The following PCDH15 variants were observed in gnomAD, a reference collection of about 807,000 sequenced individuals.
PCDH15 encodes the protein protocadherin related 15.
PCDH15 carries 129 observed loss-of-function variants against 178.5 expected under a neutral mutation model. That is an observed-to-expected ratio of 0.72 (90% CI 0.63 to 0.84). The LOEUF is 0.84. Among genes scored for constraint, PCDH15 ranks in the 40% least tolerant of loss-of-function variants. The pLI, the probability that PCDH15 is intolerant of heterozygous loss-of-function variation, is 0.00. For synonymous variants in PCDH15, 800 were observed against 732.0 expected (o/e 1.09, Z -1.50); for missense variants, 2,230 against 2,099.9 (o/e 1.06, Z -1.21).
chr10:55,153,458 C>T (rs1456024323), intron 2 of PCDH15, among the ~76,000 whole-genome samples: 1 of 152,082 alleles, frequency 6.6e-6, no homozygotes, highest in Admixed American at 6.6e-5. Flanking sequence ...TGCAATTTTT[C>T]ACCTTTGTAG....
chr10:54,595,264 C>T (rs1161346857), intron 2 of PCDH15, among the ~76,000 whole-genome samples: 1 of 152,204 alleles, frequency 6.6e-6, no homozygotes, highest in African/African-American at 2.4e-5. Context: ...GGTTCCTAAA[C>T]TTGATCCACA....
At chr10:55,406,061 T>G (rs1380478274) in intron 2 of PCDH15, among the ~76,000 whole-genome samples, 1 of 113,744 alleles carries the variant, frequency 8.8e-6, no homozygotes, top group Non-Finnish European at 1.9e-5. Flanking sequence ...GGCAGCATGT[T>G]CCCATCTAAA....
At chr10:55,613,888 C>T (rs1843421140) in intron 2 of PCDH15, among the ~76,000 whole-genome samples, 1 of 151,998 alleles carries the variant, frequency 6.6e-6, no homozygotes. Flanking sequence ...GCGGGTGGAA[C>T]ACAAGGTCAG....
At chr10:54,680,376 T>C (rs1195711530) in intron 1 of PCDH15, among the ~76,000 whole-genome samples, 1 of 152,184 alleles carries the variant, frequency 6.6e-6, no homozygotes, top group East Asian at 1.9e-4. Context: ...TATTAGGTAT[T>C]AAAATATAAT....
chr10:55,462,393 C>A (rs1302461485), intron 2 of PCDH15, among the ~76,000 whole-genome samples: 1 of 152,030 alleles, frequency 6.6e-6, no homozygotes. Context: ...TTTCAAATTC[C>A]TTTCACTCAT....
intron 18 of PCDH15, among the ~76,000 whole-genome samples, chr10:54,046,572 A>G (rs1056955781): frequency 2.0e-5 from 3 of 151,980 alleles, no homozygotes; most frequent in Admixed American, 2.0e-4. Flanking sequence ...AGACAAAACT[A>G]AACTATAATG....
chr10:54,113,667 T>C (rs2095064289), intron 15 of PCDH15, among the ~76,000 whole-genome samples: 1 of 133,382 alleles, frequency 7.5e-6, no homozygotes, highest in African/African-American at 3.5e-5. Context: ...CACGCACATC[T>C]TAATTTAGAA....
chr10:54,358,635 A>T (rs1018191094), intron 5 of PCDH15, among the ~76,000 whole-genome samples: 5 of 152,022 alleles, frequency 3.3e-5, no homozygotes, highest in Non-Finnish European at 7.4e-5. Context: ...TAGAAATACC[A>T]TTTGACCCAG....
In PCDH15 at chr10:54,408,428, A is replaced by T. The variant is rs191386484; in HGVS notation, c.158-29486T>A. Among the ~76,000 whole-genome samples, 3 of 152,268 alleles carry T rather than the reference A, an allele frequency of 2.0e-5. No individual in the cohort carries two copies. In the East Asian group the frequency reaches 5.8e-4, roughly 29 times the overall value. On this transcript the variant is annotated intron_variant, in intron 3 of 37. Transcript: ENST00000644397. ...GGTGTAAAACCAAGGTTGTAAATTT[A>T]ATTTTAATAATTTGCCTATAATATT...
At chr10:55,510,865 TAC>T (rs1229814399) in intron 2 of PCDH15, among the ~76,000 whole-genome samples, 4 of 149,646 alleles carry the variant, frequency 2.7e-5, no homozygotes, top group East Asian at 2.0e-4. Flanking sequence ...TATATATACA[TAC>T]ACACACACAC....
At position 54,628,436 on chromosome 10, in the gene PCDH15, C is replaced by T. The variant is rs183610852; in HGVS notation, c.91+35736G>A. Among the ~76,000 whole-genome samples, 241 of 152,256 alleles carry T rather than the reference C, an allele frequency of 1.6e-3. 1 individual carries two copies. Among genetic ancestry groups the T allele is most frequent in the African/African-American group, 5.4e-3 (226 of 41,562 alleles). On this transcript the variant is annotated intron_variant, in intron 2 of 37. Coordinates refer to ENST00000644397, the MANE Select transcript of PCDH15 (RefSeq NM_001384140.1). ...TATTGTCTCTAAAATCACAGAAACC[C>T]TGTTTACCACAATTATTTTCTTAAA...
chr10:54,970,871 C>G (rs1025753226), intron 2 of PCDH15, among the ~76,000 whole-genome samples: 1 of 152,128 alleles, frequency 6.6e-6, no homozygotes, highest in African/African-American at 2.4e-5. Flanking sequence ...ACTGCTTTCT[C>G]TATTACTAAT....
intron 37 of PCDH15, chr10:53,809,344 T>C: frequency 6.2e-7 from 1 of 1,613,232 alleles, no homozygotes; most frequent in Non-Finnish European, 8.5e-7. Flanking sequence ...TCTCTGCCAC[T>C]CTTCACCCTC....
intron 2 of PCDH15, among the ~76,000 whole-genome samples, chr10:55,096,255 T>C (rs747521209): frequency 1.3e-5 from 2 of 152,140 alleles, no homozygotes; most frequent in South Asian, 2.1e-4. Context: ...ACATCTGTGA[T>C]AGTTAAAATG....
At chr10:54,250,531 C>G (rs1326265075) in intron 8 of PCDH15, among the ~76,000 whole-genome samples, 5 of 151,976 alleles carry the variant, frequency 3.3e-5, no homozygotes, top group African/African-American at 1.2e-4. Flanking sequence ...GATCCACTTG[C>G]CTCGGCCTCT....
intron 3 of PCDH15, among the ~76,000 whole-genome samples, chr10:54,827,325 C>G (rs1953149036): frequency 6.6e-6 from 1 of 152,038 alleles, no homozygotes; most frequent in South Asian, 2.1e-4. Context: ...GCAGTGAACA[C>G]TTTATTTTTT....
At chr10:53,866,114 G>T (rs1172259986) in intron 27 of PCDH15, among the ~76,000 whole-genome samples, 1 of 152,088 alleles carries the variant, frequency 6.6e-6, no homozygotes, top group East Asian at 1.9e-4. Context: ...CTTAGTCAAG[G>T]CTAAACAATG....
intron 21 of PCDH15, among the ~76,000 whole-genome samples, chr10:53,963,912 A>G (rs538593402): frequency 1.6e-4 from 25 of 152,110 alleles, no homozygotes; most frequent in Non-Finnish European, 4.4e-5. Flanking sequence ...AACCCTTCCA[A>G]TGATTTTGCA....
At chr10:55,053,442 A>G (rs1841215377) in intron 2 of PCDH15, among the ~76,000 whole-genome samples, 1 of 152,190 alleles carries the variant, frequency 6.6e-6, no homozygotes, top group Non-Finnish European at 1.5e-5. Flanking sequence ...TGTTCAAAGT[A>G]TTTGTGGAAA....
Sources: gnomAD v4.1 joint callset for allele counts (sites outside exome capture counted in the v4.1 genomes callset) on GRCh38, gnomAD v4.1.1 for gene constraint, MANE v1.5 for transcripts, NCBI Gene and HGNC (gene_info 2026-07-23, HGNC 2026-07-21) for gene names.